Variants in UBE3C observed in about 807,000 individuals in gnomAD.
UBE3C encodes the protein ubiquitin-protein ligase E3C.
UBE3C carries 42 observed loss-of-function variants against 129.4 expected under a neutral mutation model. That is an observed-to-expected ratio of 0.32 (90% CI 0.25 to 0.42). The LOEUF (loss-of-function observed/expected upper bound fraction) is 0.42, where lower values mean the gene tolerates loss of function less well. UBE3C is among the 10% of genes least tolerant of loss of function. UBE3C has a pLI of 1.00. For missense variants in UBE3C, 1,049 were observed against 1,319.1 expected (o/e 0.80, Z 3.17); for synonymous variants, 510 against 492.4 (o/e 1.04, Z -0.47).
rs1461161164 is a variant in UBE3C at position 157,138,947 on chromosome 7, C to T, written c.-326C>T. 1 of 152,032 alleles carries T rather than the reference C, an allele frequency of 6.6e-6. No individual in the cohort carries two copies. Among genetic ancestry groups the T allele is most frequent in the Non-Finnish European group, 1.5e-5 (1 of 68,128 alleles). The allele number at this position is 152,032 out of a possible 1,614,324, so 9.4% of individuals were successfully genotyped here. A position where few individuals can be genotyped will look rare whatever the true frequency, so the allele number is the denominator to read the frequency against. On this transcript the variant is annotated 5_prime_UTR_variant, in exon 1 of 23. Transcript: ENST00000348165. ...CCGCGCACGCACTGACGGCTGACCG[C>T]CATCTTCCCTCCCGAGGCGGCAGTT...
intron 13 of UBE3C, among the ~76,000 whole-genome samples, chr7:157,214,498 A>G (rs1563058973): frequency 6.6e-6 from 1 of 152,182 alleles, no homozygotes. Context: ...GGATGATGCA[A>G]TTAAATATGT....
intron 18 of UBE3C, among the ~76,000 whole-genome samples, chr7:157,236,410 A>G (rs1273090550): frequency 6.7e-6 from 1 of 149,936 alleles, no homozygotes; most frequent in Non-Finnish European, 1.5e-5. Flanking sequence ...ATTATTTGAT[A>G]TGATCTTGGT....
chr7:157,269,018 A>T lies in UBE3C; in HGVS notation c.*1263A>T. On this transcript the variant is annotated 3_prime_UTR_variant, in exon 23 of 23. Coordinates refer to ENST00000348165, the MANE Select transcript of UBE3C (RefSeq NM_014671.3). ...TGACCATAATTAGCAATATACTTTT[A>T]AAGTGGGAAAGCTGAATGACACTTT... 6.6e-6 allele frequency: 1 copy of T among 152,630 alleles called. No individual in the cohort carries two copies. Among genetic ancestry groups the T allele is most frequent in the Non-Finnish European group, 1.5e-5 (1 of 68,046 alleles). The allele number at this position is 152,630 out of a possible 1,614,324, so 9.5% of individuals were successfully genotyped here. A position where few individuals can be genotyped will look rare whatever the true frequency, so the allele number is the denominator to read the frequency against.
intron 9 of UBE3C, 38 bp downstream of exon 9, chr7:157,184,067 A>C: frequency 6.2e-7 from 1 of 1,601,914 alleles, no homozygotes. Flanking sequence ...GCTGCGATGC[A>C]GGCAGCCCCG....
At chr7:157,240,532 C>T (rs966334131) in intron 18 of UBE3C, among the ~76,000 whole-genome samples, 4 of 152,222 alleles carry the variant, frequency 2.6e-5, no homozygotes, top group East Asian at 1.9e-4. Context: ...CACCCGTAAA[C>T]GGCTGTGTGG....
At chr7:157,197,597 A>G in intron 10 of UBE3C, 1 of 1,595,910 alleles carries the variant, frequency 6.3e-7, no homozygotes, top group Non-Finnish European at 8.6e-7. Flanking sequence ...GATAGGAACA[A>G]TATTATTTTA....
intron 10 of UBE3C, chr7:157,198,532 C>T: frequency 1.1e-5 from 3 of 282,184 alleles, no homozygotes; most frequent in Non-Finnish European, 2.0e-5. Context: ...CTGTATTTGT[C>T]TTTTTTTTTT....
intron 13 of UBE3C, among the ~76,000 whole-genome samples, chr7:157,215,612 G>C (rs186794680): frequency 3.1e-4 from 47 of 150,876 alleles, no homozygotes; most frequent in African/African-American, 9.7e-4. Context: ...TTATAAATCA[G>C]ATTGTCCTGA....
At chr7:157,186,415 C>CAAA (rs11390914) in intron 9 of UBE3C, among the ~76,000 whole-genome samples, 17 of 135,728 alleles carry the variant, frequency 1.3e-4, no homozygotes, top group Non-Finnish European at 2.5e-4. Flanking sequence ...AAGACTGTCT[C>CAAA]AAAAAAAAAA....
chr7:157,204,398 C>CAAAAAAAAAAAAAAAAAA (rs35298527), intron 11 of UBE3C, among the ~76,000 whole-genome samples: 1 of 86,360 alleles, frequency 1.2e-5, no homozygotes, highest in African/African-American at 4.2e-5. Flanking sequence ...AACTTTGTTT[C>CAAAAAAAAAAAAAAAAAA]AAAAAAAAAA....
rs758484645 is a variant in UBE3C, at chr7:157,178,680, A to AT, written c.459-5dup. ...CTGTAAGTGTGTGAATACTTTTTTC[A>AT]TTTTTACAGGTTGCTGCAAAACTGT... On this transcript the variant is annotated splice_polypyrimidine_tract_variant and intron_variant, in intron 5 of 22. Coordinates refer to ENST00000348165, the MANE Select transcript of UBE3C (RefSeq NM_014671.3). 1 of 1,609,230 alleles carries AT rather than the reference A, an allele frequency of 6.2e-7. No individual in the cohort carries two copies. The highest frequency in any genetic ancestry group is 1.1e-5 in the South Asian group (1 of 90,608).
At chr7:157,224,728 T>C (rs28523534) in intron 16 of UBE3C, among the ~76,000 whole-genome samples, 15,430 of 152,034 alleles carry the variant, frequency 0.1, 890 homozygotes, top group African/African-American at 0.14. Context: ...AAAGAGTTTC[T>C]TTTGAAGCTG....
intron 11 of UBE3C, 95 bp from the exon 12 acceptor site, chr7:157,207,303 C>G: frequency 6.7e-7 from 1 of 1,500,012 alleles, no homozygotes; most frequent in African/African-American, 1.4e-5. Flanking sequence ...GTTACTTTCC[C>G]TGATTATATT....
At chr7:157,199,581 C>G (rs1809222687) in intron 10 of UBE3C, among the ~76,000 whole-genome samples, 1 of 151,982 alleles carries the variant, frequency 6.6e-6, no homozygotes, top group Admixed American at 6.6e-5. Flanking sequence ...GGCAATTCTC[C>G]TGCCTCAGCC....
At chr7:157,230,358 A>C (rs1015069811) in intron 17 of UBE3C, among the ~76,000 whole-genome samples, 2 of 151,988 alleles carry the variant, frequency 1.3e-5, no homozygotes, top group African/African-American at 4.8e-5. Context: ...GTCTTGGGCC[A>C]CAGACAAAAT....
At chr7:157,225,668 G>T (rs1293352096) in intron 17 of UBE3C, 129 bp downstream of exon 17, 4 of 1,061,898 alleles carry the variant, frequency 3.8e-6, no homozygotes, top group Non-Finnish European at 5.1e-6. Context: ...GAAATGTGAG[G>T]CTGGGCATGG....
chr7:157,182,603 G>C (rs986089226), intron 8 of UBE3C, among the ~76,000 whole-genome samples: 1 of 152,160 alleles, frequency 6.6e-6, no homozygotes, highest in Non-Finnish European at 1.5e-5. Context: ...TGTGAGTCAG[G>C]CCTGTTTCCC....
chr7:157,211,167 G>GGAGAGAGAGAGAGAGAGAGA lies in UBE3C; in HGVS notation c.1809+3240_1809+3259dup, dbSNP rs3039783. On this transcript the variant is annotated intron_variant, in intron 13 of 22. Coordinates refer to ENST00000348165, the MANE Select transcript of UBE3C (RefSeq NM_014671.3). ...CCATGCCCTCATTATCCATATGTCT[G>GGAGAGAGAGAGAGAGAGAGA]GAGAGAGAGAGAGAGAGAGAGAGAG... 8.5e-3 allele frequency among the ~76,000 whole-genome samples: 1,169 copies of GGAGAGAGAGAGAGAGAGAGA among 137,084 alleles called. 40 individuals are homozygous for GGAGAGAGAGAGAGAGAGAGA. Among genetic ancestry groups the GGAGAGAGAGAGAGAGAGAGA allele is most frequent in the East Asian group, 0.032 (144 of 4,570 alleles). 89.9% of individuals were successfully genotyped at this position (137,084 alleles called of 152,430 possible).
chr7:157,170,174 A>G, intron 3 of UBE3C, 130 bp from the exon 4 acceptor site: 1 of 791,420 alleles, frequency 1.3e-6, no homozygotes, highest in Non-Finnish European at 1.8e-6. Flanking sequence ...ACTGTGAGCA[A>G]GGACCGATAA....
Sources: gnomAD v4.1 joint callset for allele counts (sites outside exome capture counted in the v4.1 genomes callset) on GRCh38, gnomAD v4.1.1 for gene constraint, MANE v1.5 for transcripts, NCBI Gene and HGNC (gene_info 2026-07-23, HGNC 2026-07-21) for gene names.